Variants in PAM observed in about 807,000 individuals in gnomAD.
PAM encodes the protein peptidyl-glycine alpha-amidating monooxygenase.
Under a neutral mutation model 122.1 loss-of-function variants are expected in PAM, and 72 were observed. The ratio of observed to expected loss-of-function variants is 0.59; its 90% CI spans 0.49 to 0.72. The LOEUF is 0.72. Ranked by LOEUF, PAM falls within the 30% of genes least tolerant of loss-of-function variation. The pLI is 0.00. For missense variants in PAM, 1,106 were observed against 1,183.7 expected (o/e 0.93, Z 0.96); for synonymous variants, 389 against 404.4 (o/e 0.96, Z 0.46).
chr5:102,756,672 T>TA (rs138352201), intron 1 of PAM, among the ~76,000 whole-genome samples: 4,362 of 152,254 alleles, frequency 0.029, 109 homozygotes, highest in East Asian at 0.14. Flanking sequence ...GTAAATGGCC[T>TA]AAAAAATCAG....
chr5:103,024,364 C>T (rs1784390497), intron 23 of PAM, among the ~76,000 whole-genome samples: 1 of 152,114 alleles, frequency 6.6e-6, no homozygotes, highest in South Asian at 2.1e-4. Flanking sequence ...CTACCCAGTA[C>T]CTGCCAATGT....
chr5:102,935,750 TAAG>T (rs558596361), intron 7 of PAM, among the ~76,000 whole-genome samples: 231 of 152,306 alleles, frequency 1.5e-3, no homozygotes, highest in Admixed American at 4.6e-3. Flanking sequence ...ATTTAAAAGA[TAAG>T]AATTAACTGA....
intron 7 of PAM, among the ~76,000 whole-genome samples, chr5:102,939,672 A>T (rs1754451871): frequency 6.6e-6 from 1 of 152,146 alleles, no homozygotes; most frequent in African/African-American, 2.4e-5. Flanking sequence ...CTACATAAAC[A>T]TATTGAATGA....
intron 7 of PAM, among the ~76,000 whole-genome samples, chr5:102,934,151 A>G (rs978595632): frequency 1.3e-5 from 2 of 152,158 alleles, no homozygotes; most frequent in African/African-American, 4.8e-5. Flanking sequence ...AATTGCAAAC[A>G]TGGGAGGGAG....
rs1199802726 is a variant in PAM, at chr5:103,007,640, C to A, written c.2198C>A (p.Ala733Glu). ...KHSSFGRNVF[A>E]ISYIPGLLFA... is the part of the protein sequence containing the mutation. ...TCATCATTTGGAAGAAATGTATTTGCAATTTCATATATACCAGGTATTTCA... is the reference window on the plus strand; with the variant it reads ...TCATCATTTGGAAGAAATGTATTTGAAATTTCATATATACCAGGTATTTCA... The change falls in exon 20 of 26, where the codon GCA becomes GAA. Residue 733 changes from alanine (A) to glutamate (E), a missense_variant. Physicochemically the swap from Ala to Glu is moderately radical, Grantham distance 107. Around this residue, in one of 3 missense-constraint regions of PAM, gnomAD observed 333 missense variants for 335.6 expected, o/e 0.99. Coordinates refer to ENST00000438793, the MANE Select transcript of PAM (RefSeq NM_001177306.2). 6.3e-7 allele frequency: 1 copy of A among 1,595,564 alleles called. No homozygotes were observed. Among genetic ancestry groups the A allele is most frequent in the Non-Finnish European group, 8.6e-7 (1 of 1,163,314 alleles).
intron 13 of PAM, among the ~76,000 whole-genome samples, chr5:102,960,937 C>G (rs770153043): frequency 8.0e-6 from 1 of 125,286 alleles, no homozygotes; most frequent in African/African-American, 3.1e-5. Context: ...GGTAGTTGAC[C>G]TAGTTATTAA....
intron 15 of PAM, among the ~76,000 whole-genome samples, chr5:102,984,321 C>G (rs1290611941): frequency 6.6e-6 from 1 of 152,166 alleles, no homozygotes; most frequent in African/African-American, 2.4e-5. Flanking sequence ...TATAACCCAA[C>G]TATTTGCTGC....
intron 7 of PAM, among the ~76,000 whole-genome samples, chr5:102,932,453 G>C (rs965060047): frequency 6.6e-6 from 1 of 151,342 alleles, no homozygotes. Context: ...CCACTGCACT[G>C]CAGCCTGGGT....
chr5:102,947,714 A>C (rs908436067), intron 8 of PAM, among the ~76,000 whole-genome samples: 1 of 152,182 alleles, frequency 6.6e-6, no homozygotes, highest in African/African-American at 2.4e-5. Context: ...ATGTTACTAC[A>C]CTTCTTTTAG....
intron 3 of PAM, among the ~76,000 whole-genome samples, chr5:102,872,489 G>A (rs943843805): frequency 5.3e-5 from 8 of 152,114 alleles, no homozygotes; most frequent in Admixed American, 2.6e-4. Flanking sequence ...GTTAAGTAAC[G>A]TACTTTAACT....
intron 1 of PAM, chr5:102,838,388 T>C (rs1372954061): frequency 6.6e-6 from 1 of 152,160 alleles, no homozygotes; most frequent in African/African-American, 2.4e-5. Context: ...TCTACTTTTA[T>C]ATTGTTCTTG....
intron 5 of PAM, 121 bp from the exon 6 acceptor site, chr5:102,924,836 A>G (rs1748860161): frequency 1.6e-6 from 1 of 636,140 alleles, no homozygotes; most frequent in African/African-American, 1.8e-5. Context: ...ATATCATGCA[A>G]TGATGATATA....
intron 18 of PAM, among the ~76,000 whole-genome samples, chr5:103,006,426 G>C (rs1778995863): frequency 6.6e-6 from 1 of 152,150 alleles, no homozygotes; most frequent in Non-Finnish European, 1.5e-5. Context: ...AAATAACTTG[G>C]AAAACATCAT....
intron 5 of PAM, among the ~76,000 whole-genome samples, chr5:102,923,477 A>G (rs71586552): frequency 6.6e-6 from 1 of 152,126 alleles, no homozygotes; most frequent in Non-Finnish European, 1.5e-5. Context: ...AGCTTTTCAG[A>G]TCTGCCTACA....
chr5:102,938,882 G>A (rs1221754941), intron 7 of PAM, among the ~76,000 whole-genome samples: 1 of 152,040 alleles, frequency 6.6e-6, no homozygotes, highest in African/African-American at 2.4e-5. Context: ...CAGGCTTCCT[G>A]CCTTTCACGC....
chr5:103,004,635 A>C (rs1301819213), intron 17 of PAM, among the ~76,000 whole-genome samples: 1 of 152,166 alleles, frequency 6.6e-6, no homozygotes, highest in African/African-American at 2.4e-5. Flanking sequence ...CTTTGCTTAG[A>C]TATTCACAGC....
At chr5:102,992,395 C>T (rs558144081) in intron 16 of PAM, among the ~76,000 whole-genome samples, 1 of 151,914 alleles carries the variant, frequency 6.6e-6, no homozygotes, top group Admixed American at 6.6e-5. Flanking sequence ...GCCTGTTGCC[C>T]TTAGCAGACT....
intron 1 of PAM, among the ~76,000 whole-genome samples, chr5:102,842,520 G>T (rs1472285478): frequency 6.6e-6 from 1 of 152,096 alleles, no homozygotes; most frequent in African/African-American, 2.4e-5. Context: ...TCATTGTGAG[G>T]CCTCCCCACC....
At chr5:103,020,401 C>T (rs1562268819) in intron 23 of PAM, among the ~76,000 whole-genome samples, 1 of 152,010 alleles carries the variant, frequency 6.6e-6, no homozygotes, top group Admixed American at 6.6e-5. Context: ...ACCTTATAGC[C>T]TTATAAGGAG....
Sources: allele counts gnomAD v4.1 joint callset (sites outside exome capture counted in the v4.1 genomes callset), GRCh38; gene constraint gnomAD v4.1.1; regional missense constraint gnomAD v4.1.1; transcripts MANE v1.5; gene names NCBI Gene and HGNC (gene_info 2026-07-23, HGNC 2026-07-21).